RNF103: variants seen among roughly 807,000 people sequenced by gnomAD.
RNF103 encodes the protein E3 ubiquitin-protein ligase RNF103.
In RNF103, 23 loss-of-function variants were observed where a neutral mutation model predicts 66.2. The observed-to-expected ratio is 0.35, with a 90% CI of 0.25 to 0.49. The LOEUF (loss-of-function observed/expected upper bound fraction) is 0.49, where lower values mean the gene tolerates loss of function less well. Among genes scored for constraint, RNF103 ranks in the 20% least tolerant of loss-of-function variants. RNF103 has a pLI of 0.98. For synonymous variants in RNF103, 297 were observed against 289.9 expected, an observed-to-expected ratio of 1.02 and a Z score of -0.25; for missense variants, 730 against 814.7, an observed-to-expected ratio of 0.90 and a Z score of 1.27.
chr2:86,613,497 T>G (rs1031206703), intron 2 of RNF103: 2 of 152,186 alleles, frequency 1.3e-5, no homozygotes, highest in African/African-American at 4.8e-5. Context: ...AGGCCAAGTT[T>G]ATTTTCATAA....
chr2:86,608,422 G>A (rs1345370257), intron 3 of RNF103, among the ~76,000 whole-genome samples: 2 of 150,262 alleles, frequency 1.3e-5, no homozygotes, highest in African/African-American at 4.9e-5. Context: ...AGTAGGCTGA[G>A]GTTGCAGTGA....
rs771264231 is a variant in RNF103 at position 86,604,577 on chromosome 2, T to C, written c.1324A>G (p.Asn442Asp). ...TTGGCATTGACTTCATCATTGTTGT[T>C]GTTGCGCCTTCTCTTCTTCTCAAAG... ...DYFEKKRRRN[N>D]NNDEVNANNL... The change falls in exon 4 of 4, where the codon AAC (asparagine) becomes GAC (aspartate). Residue 442 changes from asparagine to aspartate, a missense_variant. Around this residue, in one of 3 missense-constraint regions of RNF103, gnomAD observed 355 missense variants for 351.9 expected, o/e 1.01. Transcript: ENST00000237455. 2 of 1,614,216 alleles carry C rather than the reference T, an allele frequency of 1.2e-6. No individual in the cohort carries two copies. Among genetic ancestry groups the C allele is most frequent in the South Asian group, 1.1e-5 (1 of 91,082 alleles).
chr2:86,614,128 G>C (rs1386786170), intron 2 of RNF103: 1 of 152,050 alleles, frequency 6.6e-6, no homozygotes, highest in Non-Finnish European at 1.5e-5. Flanking sequence ...GAAAATAAGT[G>C]GTCTTATTGA....
At chr2:86,615,121 T>G in intron 2 of RNF103, 1 of 985,372 alleles carries the variant, frequency 1.0e-6, no homozygotes, top group Non-Finnish European at 1.2e-6. Flanking sequence ...ATAGCAGAGA[T>G]AGTAGAAGTG....
chr2:86,622,966 T>G lies in RNF103; in HGVS notation c.-80A>C. The G allele has an allele frequency of 1.4e-6, 2 of 1,480,242 alleles. No individual in the cohort carries two copies. Among genetic ancestry groups the G allele is most frequent in the Non-Finnish European group, 1.8e-6 (2 of 1,114,276 alleles). The allele number at this position is 1,480,242 out of a possible 1,614,324, so 91.7% of individuals were successfully genotyped here. Reference sequence around the variant, plus strand: ...GTCGAGGGCGGGGGCCGCGGCTCGGTGGCAGCTTGGGCGAGGGCCCCGTGT... The same window carrying G: ...GTCGAGGGCGGGGGCCGCGGCTCGGGGGCAGCTTGGGCGAGGGCCCCGTGT... On this transcript the variant is annotated 5_prime_UTR_variant, in exon 1 of 4. Transcript: ENST00000237455.
At chr2:86,614,681 T>C (rs1423354860) in intron 2 of RNF103, 1 of 842,498 alleles carries the variant, frequency 1.2e-6, no homozygotes, top group Non-Finnish European at 1.4e-6. Context: ...CCTCTTGTTC[T>C]TTATTTTATT....
Position 86,623,571 on chromosome 2 carries a change from C to G in RNF103, c.-685G>C, listed in dbSNP as rs1679325390. 15 of 998,380 alleles carry G rather than the reference C, an allele frequency of 1.5e-5. No individual in the cohort carries two copies. The highest frequency in any genetic ancestry group is 1.8e-5 in the Non-Finnish European group (15 of 837,630). The allele number at this position is 998,380 out of a possible 1,614,324, so 61.8% of individuals were successfully genotyped here. A position where few individuals can be genotyped will look rare whatever the true frequency, so the allele number is the denominator to read the frequency against. On this transcript the variant is annotated 5_prime_UTR_variant, in exon 1 of 4. Coordinates refer to ENST00000237455, the MANE Select transcript of RNF103 (RefSeq NM_005667.4). ...GCGGCGGCTCCAGGTTCGCTCGGGC[C>G]GGCTGGCGGGCGGCGCCTCTCAGGC...
intron 2 of RNF103, chr2:86,617,111 T>C (rs954984388): frequency 2.0e-6 from 2 of 984,928 alleles, no homozygotes; most frequent in East Asian, 1.1e-4. Flanking sequence ...TAGTGTGTCA[T>C]TGGTAAAGAT....
Position 86,616,654 on chromosome 2 carries a change from T to C in RNF103, c.366+3676A>G, listed in dbSNP as rs1303657774. 4 of 985,092 alleles carry C rather than the reference T, an allele frequency of 4.1e-6. No individual in the cohort carries two copies. The Admixed American group carries it at 1.8e-4, about 45-fold the overall frequency. The allele number at this position is 985,092 out of a possible 1,614,324, so 61.0% of individuals were successfully genotyped here. Reference sequence around the variant, plus strand: ...GTCAGCCAAACAGGAAATATATTGATGTAATACTTCAGTAAATATTGACCC... The same window carrying C: ...GTCAGCCAAACAGGAAATATATTGACGTAATACTTCAGTAAATATTGACCC... On this transcript the variant is annotated intron_variant, in intron 2 of 3. Coordinates refer to ENST00000237455, the MANE Select transcript of RNF103 (RefSeq NM_005667.4).
intron 3 of RNF103, among the ~76,000 whole-genome samples, chr2:86,606,662 C>CAAAAAAAAAA (rs200897796): frequency 9.2e-5 from 9 of 97,410 alleles, no homozygotes; most frequent in African/African-American, 1.4e-4. Flanking sequence ...AACTTCGTCT[C>CAAAAAAAAAA]AAAAAAAAAA....
Position 86,623,204 on chromosome 2 carries a change from C to G in RNF103, c.-318G>C. On this transcript the variant is annotated 5_prime_UTR_variant, in exon 1 of 4. Coordinates refer to ENST00000237455, the MANE Select transcript of RNF103 (RefSeq NM_005667.4). ...AAAGGAGAGGGGCGCGGGGAGAGCTCGCGGGGAAGAACAAAACGAGGGACG... is the reference window on the plus strand; with the variant it reads ...AAAGGAGAGGGGCGCGGGGAGAGCTGGCGGGGAAGAACAAAACGAGGGACG... 2 of 1,027,214 alleles carry G rather than the reference C, an allele frequency of 1.9e-6. No individual in the cohort carries two copies. Among genetic ancestry groups the G allele is most frequent in the Non-Finnish European group, 2.3e-6 (2 of 859,126 alleles). 63.6% of individuals were successfully genotyped at this position (1,027,214 alleles called of 1,614,324 possible). A position where few individuals can be genotyped will look rare whatever the true frequency, so the allele number is the denominator to read the frequency against.
intron 3 of RNF103, among the ~76,000 whole-genome samples, chr2:86,611,010 CAA>C (rs36001734): frequency 7.7e-5 from 10 of 129,606 alleles, no homozygotes; most frequent in African/African-American, 1.2e-4. Flanking sequence ...TCCATCTCTA[CAA>C]AAAAAAAAAA....
chr2:86,611,774 A>AG (rs1678803071), intron 3 of RNF103, among the ~76,000 whole-genome samples: 1 of 152,246 alleles, frequency 6.6e-6, no homozygotes, highest in Admixed American at 6.5e-5. Flanking sequence ...TGCAAACTAG[A>AG]GGTCAGAATG....
chr2:86,605,867 T>C (rs1230714748), intron 3 of RNF103, among the ~76,000 whole-genome samples: 6 of 152,194 alleles, frequency 3.9e-5, no homozygotes, highest in Admixed American at 1.3e-4. Context: ...GTTTAGGAAT[T>C]GAACTAGGTC....
In RNF103 at chr2:86,620,606, G is replaced by T. The variant is rs939181107; in HGVS notation, c.227-137C>A. On this transcript the variant is annotated intron_variant, in intron 1 of 3. Transcript: ENST00000237455. ...ATTTTATAGACAAGAACTACTAGAA[G>T]AACCTGGATATACCCACTTAGGAGT... 3.4e-6 allele frequency: 4 copies of T among 1,188,896 alleles called. No homozygotes were observed. In the Admixed American group the frequency reaches 9.5e-5, roughly 28 times the overall value. 73.6% of individuals were successfully genotyped at this position (1,188,896 alleles called of 1,614,324 possible). A position where few individuals can be genotyped will look rare whatever the true frequency, so the allele number is the denominator to read the frequency against.
intron 3 of RNF103, among the ~76,000 whole-genome samples, chr2:86,605,647 G>C (rs966389218): frequency 2.0e-5 from 3 of 151,850 alleles, no homozygotes; most frequent in African/African-American, 7.3e-5. Context: ...AAAAGCCTCT[G>C]AGTCAAAGGA....
At chr2:86,617,054 T>A (rs1679049560) in intron 2 of RNF103, 2 of 985,374 alleles carry the variant, frequency 2.0e-6, no homozygotes, top group Non-Finnish European at 2.4e-6. Context: ...AAAAACAATG[T>A]TAGGAATAAC....
At position 86,604,881 on chromosome 2, in the gene RNF103, C is replaced by T. The variant is rs1271394560; in HGVS notation, c.1020G>A (p.Met340Ile). The T allele has an allele frequency of 6.2e-7, 1 of 1,613,852 alleles. No homozygotes were observed. The highest frequency in any genetic ancestry group is 8.5e-7 in the Non-Finnish European group (1 of 1,180,006). Residue 340 changes from methionine to isoleucine, a missense_variant, in exon 4 of 4, where the codon ATG becomes ATA. By Grantham distance (10) the Met-to-Ile change is conservative. Coordinates refer to ENST00000237455, the MANE Select transcript of RNF103 (RefSeq NM_005667.4). ...TAGCTCCTTGTGTAATAAATAAGTCCATCCAAGCCATAAGATTAACTAGAA... is the reference window on the plus strand; with the variant it reads ...TAGCTCCTTGTGTAATAAATAAGTCTATCCAAGCCATAAGATTAACTAGAA... ...SLVLVNLMAWMDLFITQGATI... is the reference protein window; with the variant it reads ...SLVLVNLMAWIDLFITQGATI...
At position 86,609,891 on chromosome 2, in the gene RNF103, A is replaced by G. The variant is rs370330922; in HGVS notation, c.482+2268T>C. ...ACTCCAAAATCAAGATGATGACTCA[A>G]TTATTCAAAATATGTGATTAAAACA... is the stretch of plus-strand genomic sequence containing the variant. On this transcript the variant is annotated intron_variant, in intron 3 of 3. Coordinates refer to ENST00000237455, the MANE Select transcript of RNF103 (RefSeq NM_005667.4). Among the ~76,000 whole-genome samples, 5 of 152,158 alleles carry G rather than the reference A, an allele frequency of 3.3e-5. No individual in the cohort carries two copies. In the East Asian group the frequency reaches 7.7e-4, roughly 23 times the overall value.
Sources: allele counts gnomAD v4.1 joint callset (sites outside exome capture counted in the v4.1 genomes callset), GRCh38; gene constraint gnomAD v4.1.1; regional missense constraint gnomAD v4.1.1; transcripts MANE v1.5; gene names NCBI Gene and HGNC (gene_info 2026-07-23, HGNC 2026-07-21).